Variants in SPEF2 observed in about 807,000 individuals in gnomAD.
The protein encoded by SPEF2 is sperm flagella and cilia-associated protein 2.
SPEF2 carries 187 observed loss-of-function variants against 224.6 expected under a neutral mutation model. The ratio of observed to expected loss-of-function variants is 0.83; its 90% CI spans 0.74 to 0.94. The LOEUF (loss-of-function observed/expected upper bound fraction) is 0.94. SPEF2 is among the 40% of genes least tolerant of loss of function. The pLI, the probability that SPEF2 is intolerant of heterozygous loss-of-function variation, is 0.00. For synonymous variants in SPEF2, 715 were observed against 707.3 expected, an observed-to-expected ratio of 1.01 and a Z score of -0.17; for missense variants, 2,170 against 2,135.6, an observed-to-expected ratio of 1.02 and a Z score of -0.32.
chr5:35,705,549 G>T, intron 17 of SPEF2, 102 bp from the exon 18 acceptor site: 1 of 757,224 alleles, frequency 1.3e-6, no homozygotes, highest in East Asian at 3.1e-5. Context: ...CAATTATATT[G>T]GCAGCCTGTC....
At position 35,793,282 on chromosome 5, in the gene SPEF2, A is replaced by T. The variant is rs763134012; in HGVS notation, c.4678A>T (p.Lys1560Ter). 4.3e-6 allele frequency: 7 copies of T among 1,614,036 alleles called. No homozygotes were observed. The African/African-American group carries it at 8.0e-5, about 18-fold the overall frequency. Residue 1560 changes from lysine to a stop codon, truncating the protein, a stop_gained, in exon 32 of 37, where the codon AAG becomes TAG. Transcript: ENST00000356031. LOFTEE classifies it high-confidence loss of function. ...LEEELLETLQ[K>*]FKAVDKEQLG... The stretch of plus-strand genomic sequence containing the variant: ...GGAGGAGCTCCTTGAGACCCTTCAG[A>T]AGTTCAAGGCTGTGGATAAGGAGCA...
intron 20 of SPEF2, among the ~76,000 whole-genome samples, chr5:35,725,028 A>G (rs1010744061): frequency 1.3e-5 from 2 of 152,160 alleles, no homozygotes; most frequent in Non-Finnish European, 2.9e-5. Flanking sequence ...TTAGGACAGT[A>G]AGCAGAGAAA....
chr5:35,667,106 A>G lies in SPEF2; in HGVS notation c.1202A>G (p.Glu401Gly), dbSNP rs778959769. 9.3e-6 allele frequency: 15 copies of G among 1,609,320 alleles called. No individual in the cohort carries two copies. In the East Asian group the frequency reaches 3.4e-4, roughly 36 times the overall value. Residue 401 changes from glutamate to glycine, a missense_variant, in exon 9 of 37, where the codon GAA (glutamate) becomes GGA (glycine). Coordinates refer to ENST00000356031, the MANE Select transcript of SPEF2 (RefSeq NM_024867.4). ...LAKQAKIDFE[E>G]QFLKEKRFHD... ...AAACAAGCCAAGATTGACTTTGAAG[A>G]ACAATTCCTTAAAGAAAAGAGATTT...
At chr5:35,636,111 T>TTTTG (rs1036944243) in intron 2 of SPEF2, among the ~76,000 whole-genome samples, 6 of 152,312 alleles carry the variant, frequency 3.9e-5, no homozygotes, top group South Asian at 2.1e-4. Flanking sequence ...CTTCTGCTTT[T>TTTTG]TTTGTTTGTT....
rs779058572 is a variant in SPEF2 at position 35,659,217 on chromosome 5, A to G, written c.1167+10A>G. On this transcript the variant is annotated intron_variant, in intron 8 of 36. Transcript: ENST00000356031. ...TCTTGATCGAGAAGCGGTAAATACC[A>G]TCTTCCTTAGAAATCTTTCTAAGGT... 4 of 1,581,654 alleles carry G rather than the reference A, an allele frequency of 2.5e-6. No individual in the cohort carries two copies. Among genetic ancestry groups the G allele is most frequent in the Non-Finnish European group, 3.4e-6 (4 of 1,160,364 alleles).
At chr5:35,760,603 G>A (rs896429493) in intron 25 of SPEF2, among the ~76,000 whole-genome samples, 1 of 152,048 alleles carries the variant, frequency 6.6e-6, no homozygotes, top group African/African-American at 2.4e-5. Context: ...AAATAAACTT[G>A]GTGGTAGGAT....
At chr5:35,660,626 A>G (rs1236168549) in intron 8 of SPEF2, among the ~76,000 whole-genome samples, 1 of 152,198 alleles carries the variant, frequency 6.6e-6, no homozygotes, top group African/African-American at 2.4e-5. Flanking sequence ...TTTGGCTTCA[A>G]GAGCTGAGTT....
intron 20 of SPEF2, among the ~76,000 whole-genome samples, chr5:35,719,419 G>T (rs1397140009): frequency 6.6e-6 from 1 of 152,128 alleles, no homozygotes; most frequent in Admixed American, 6.5e-5. Flanking sequence ...TTTGCATAAA[G>T]TGCAGCAAGA....
chr5:35,809,493 G>A (rs137899711), intron 36 of SPEF2, among the ~76,000 whole-genome samples: 11 of 152,208 alleles, frequency 7.2e-5, no homozygotes, highest in Admixed American at 3.9e-4. Flanking sequence ...GGAAAGGGAC[G>A]TCTACATGGA....
At chr5:35,743,350 C>G (rs1747985318) in intron 23 of SPEF2, among the ~76,000 whole-genome samples, 1 of 151,884 alleles carries the variant, frequency 6.6e-6, no homozygotes, top group Non-Finnish European at 1.5e-5. Flanking sequence ...AGAGAAACCT[C>G]TAGAAAGAAT....
chr5:35,760,531 G>T (rs1751124449), intron 25 of SPEF2, among the ~76,000 whole-genome samples: 1 of 152,160 alleles, frequency 6.6e-6, no homozygotes. Flanking sequence ...ATGTGATAAT[G>T]ACCTTATGAG....
chr5:35,708,705 CA>C, intron 18 of SPEF2, among the ~76,000 whole-genome samples: 1 of 151,732 alleles, frequency 6.6e-6, no homozygotes, highest in East Asian at 1.9e-4. Context: ...CCATCACCAC[CA>C]CTACCCATCA....
chr5:35,709,870 C>T, intron 19 of SPEF2: 1 of 985,356 alleles, frequency 1.0e-6, no homozygotes, highest in Non-Finnish European at 1.2e-6. Context: ...CTAGTTTCAG[C>T]TTTATAAATG....
intron 11 of SPEF2, among the ~76,000 whole-genome samples, chr5:35,691,809 A>T (rs190024848): frequency 0.01 from 1,546 of 151,658 alleles, 14 homozygotes; most frequent in Middle Eastern, 0.017. Flanking sequence ...TTATTTATTT[A>T]TTTTTTCGAG....
At chr5:35,767,771 G>T (rs1460216086) in intron 26 of SPEF2, among the ~76,000 whole-genome samples, 2 of 151,986 alleles carry the variant, frequency 1.3e-5, no homozygotes, top group Non-Finnish European at 2.9e-5. Flanking sequence ...TTATAAATGG[G>T]ATATGATGTG....
Position 35,753,599 on chromosome 5 carries a change from C to T in SPEF2, c.3331-25C>T, listed in dbSNP as rs183820518. ...TTTGAGCAGCAATCTAAAGCATAGCCACCATGCCTGTTTTTTCTGTTCAGG... is the reference window on the plus strand; with the variant it reads ...TTTGAGCAGCAATCTAAAGCATAGCTACCATGCCTGTTTTTTCTGTTCAGG... On this transcript the variant is annotated intron_variant, in intron 23 of 36. Transcript: ENST00000356031. 3 of 1,613,478 alleles carry T rather than the reference C, an allele frequency of 1.9e-6. No individual in the cohort carries two copies. In the East Asian group the frequency reaches 6.7e-5, roughly 36 times the overall value.
rs768748711 is a variant in SPEF2, at chr5:35,618,074, G to A, written c.58+19G>A. ...ACCGTGAGTGAGTGACCACGGCCAG[G>A]GGCGAGCGTCTGAGGGGCTAGCGGG... On this transcript the variant is annotated intron_variant, in intron 1 of 36. Coordinates refer to ENST00000356031, the MANE Select transcript of SPEF2 (RefSeq NM_024867.4). The A allele has an allele frequency of 1.3e-6, 2 of 1,574,648 alleles. No homozygotes were observed. The highest frequency in any genetic ancestry group is 1.7e-6 in the Non-Finnish European group (2 of 1,157,566).
chr5:35,789,054 A>G, intron 30 of SPEF2: 1 of 682,650 alleles, frequency 1.5e-6, no homozygotes, highest in Non-Finnish European at 2.7e-6. Context: ...GAAATATCGT[A>G]TTATTTTGCT....
At chr5:35,640,724 T>C (rs1746517036) in intron 2 of SPEF2, among the ~76,000 whole-genome samples, 1 of 152,218 alleles carries the variant, frequency 6.6e-6, no homozygotes, top group South Asian at 2.1e-4. Flanking sequence ...ACACTAAATA[T>C]ATCTTGCTAA....
Sources: gnomAD v4.1 joint callset for allele counts (sites outside exome capture counted in the v4.1 genomes callset) on GRCh38, gnomAD v4.1.1 for gene constraint, MANE v1.5 for transcripts, NCBI Gene and HGNC (gene_info 2026-07-23, HGNC 2026-07-21) for gene names.